Variants in METTL5 observed in about 807,000 individuals in gnomAD.
METTL5 encodes the protein methyltransferase 5, N6-adenosine.
METTL5 carries 28 observed loss-of-function variants against 26.5 expected under a neutral mutation model. The ratio of observed to expected loss-of-function variants is 1.06; its 90% CI spans 0.78 to 1.45. The LOEUF (loss-of-function observed/expected upper bound fraction) is 1.45. METTL5 is among the 40% of genes most tolerant of loss of function. The pLI is 0.00. For missense variants in METTL5, 231 were observed against 249.9 expected, an observed-to-expected ratio of 0.92 and a Z score of 0.51; for synonymous variants, 86 against 82.6, an observed-to-expected ratio of 1.04 and a Z score of -0.22.
At chr2:169,824,358 C>CTA (rs2105725969) in intron 1 of METTL5, 131 bp downstream of exon 1, 2 of 715,450 alleles carry the variant, frequency 2.8e-6, no homozygotes, top group East Asian at 5.1e-5. Flanking sequence ...GAAGGCCTCT[C>CTA]TAACGCGACA....
chr2:169,813,685 T>C (rs1443034656), intron 5 of METTL5, among the ~76,000 whole-genome samples: 1 of 150,922 alleles, frequency 6.6e-6, no homozygotes, highest in Non-Finnish European at 1.5e-5. Context: ...TGAAACCTCA[T>C]CTCTACTAAA....
At position 169,824,831 on chromosome 2, in the gene METTL5, G is replaced by T; in HGVS notation, c.-234C>A. 1 of 427,280 alleles carries T rather than the reference G, an allele frequency of 2.3e-6. No individual in the cohort carries two copies. The highest frequency in any genetic ancestry group is 2.8e-5 in the South Asian group (1 of 35,888). The allele number at this position is 427,280 out of a possible 1,614,324, so 26.5% of individuals were successfully genotyped here. A position where few individuals can be genotyped will look rare whatever the true frequency, so the allele number is the denominator to read the frequency against. On this transcript the variant is annotated 5_prime_UTR_variant, in exon 1 of 7. Coordinates refer to ENST00000260953, the MANE Select transcript of METTL5 (RefSeq NM_014168.4). The stretch of plus-strand genomic sequence containing the variant: ...AGGAGACGGCGGCGGCGCACTGCTG[G>T]AGCAGCCTCAGGATCCCTCGCGCCA...
Position 169,824,496 on chromosome 2 carries a change from G to A in METTL5, c.102C>T (p.His34=), listed in dbSNP as rs762727388. 1.9e-5 allele frequency: 31 copies of A among 1,613,650 alleles called. No individual in the cohort carries two copies. The highest frequency in any genetic ancestry group is 2.5e-5 in the Non-Finnish European group (29 of 1,179,678). The change falls in exon 1 of 7, where the codon CAC becomes CAT. Residue 34 remains histidine, a synonymous_variant. Coordinates refer to ENST00000260953, the MANE Select transcript of METTL5 (RefSeq NM_014168.4). ...GTGAACCAGCCGCCCTACCTGCAAT[G>A]TGCGGCCTGGTAGGATACTGTTCCA... ...LLLEQYPTRP[H]IAACMLYTIH... is the part of the protein sequence containing the mutation.
chr2:169,812,453 TTAC>T lies in METTL5; in HGVS notation c.591+1_591+3del. The T allele has an allele frequency of 6.2e-7, 1 of 1,614,028 alleles. No homozygotes were observed. Among genetic ancestry groups the T allele is most frequent in the Non-Finnish European group, 8.5e-7 (1 of 1,179,962 alleles). ...TGTAGACCAGCCAAAATCAAGAGACTTACTGATTTCTTTTTGTGAAACTTGTAT... is the reference window on the plus strand; with the variant it reads ...TGTAGACCAGCCAAAATCAAGAGACTTGATTTCTTTTTGTGAAACTTGTAT... On this transcript the variant is annotated splice_donor_variant and splice_donor_region_variant and intron_variant, in intron 6 of 6. Coordinates refer to ENST00000260953, the MANE Select transcript of METTL5 (RefSeq NM_014168.4). LOFTEE classifies it high-confidence loss of function.
rs1033288184 is a variant in METTL5, at chr2:169,824,871, T to G, written c.-274A>C. Reference sequence around the variant, plus strand: ...CCCTCGCGCCACGACCACGCACCTCTGGAGGCGACCCGCACCTCGGCCGGT... The same window carrying G: ...CCCTCGCGCCACGACCACGCACCTCGGGAGGCGACCCGCACCTCGGCCGGT... On this transcript the variant is annotated 5_prime_UTR_variant, in exon 1 of 7. Transcript: ENST00000260953. 4.1e-6 allele frequency: 1 copy of G among 242,296 alleles called. No homozygotes were observed. The highest frequency in any genetic ancestry group is 5.6e-5 in the Admixed American group (1 of 17,896). 15.0% of individuals were successfully genotyped at this position (242,296 alleles called of 1,614,324 possible). A position where few individuals can be genotyped will look rare whatever the true frequency, so the allele number is the denominator to read the frequency against.
intron 4 of METTL5, among the ~76,000 whole-genome samples, chr2:169,817,949 A>G (rs1178767814): frequency 1.3e-5 from 2 of 152,202 alleles, no homozygotes. Flanking sequence ...TGTGCAGAAA[A>G]GAGTTCACAG....
intron 6 of METTL5, chr2:169,812,072 T>A: frequency 1.6e-6 from 1 of 640,112 alleles, no homozygotes; most frequent in Non-Finnish European, 2.6e-6. Flanking sequence ...AAACAGTTTT[T>A]GATTTTTTTT....
chr2:169,824,132 C>T (rs796096505), intron 1 of METTL5: 17 of 190,694 alleles, frequency 8.9e-5, no homozygotes, highest in African/African-American at 3.7e-4. Context: ...TAAATGTTTA[C>T]TGAGCTCCTA....
At chr2:169,824,362 C>A in intron 1 of METTL5, 127 bp downstream of exon 1, 2 of 734,354 alleles carry the variant, frequency 2.7e-6, no homozygotes, top group South Asian at 3.3e-5. Context: ...GCCTCTCTAA[C>A]GCGACAGGTG....
intron 6 of METTL5, 49 bp from the exon 7 acceptor site, chr2:169,811,907 T>C (rs1406553150): frequency 2.5e-6 from 4 of 1,578,832 alleles, no homozygotes; most frequent in African/African-American, 1.4e-5. Flanking sequence ...CTTTTTGTTA[T>C]GCAAATGAGA....
rs570923852 is a variant in METTL5 at position 169,814,936 on chromosome 2, G to C, written c.541+541C>G. 2.1e-4 allele frequency among the ~76,000 whole-genome samples: 32 copies of C among 151,584 alleles called. No individual in the cohort carries two copies. The South Asian group carries it at 6.3e-3, about 30-fold the overall frequency. ...GAGACTGAGTCTCCTCTGTCATCCA[G>C]GCTGAAGAACAGTGGTGCGATCTCG... On this transcript the variant is annotated intron_variant, in intron 5 of 6. Transcript: ENST00000260953.
chr2:169,819,743 C>A, intron 3 of METTL5, 100 bp from the exon 4 acceptor site: 1 of 712,136 alleles, frequency 1.4e-6, no homozygotes, highest in South Asian at 2.0e-5. Flanking sequence ...TCAAAATAGC[C>A]ACCTTGAAAT....
intron 1 of METTL5, 142 bp downstream of exon 1, chr2:169,824,347 G>A (rs2081624024): frequency 1.5e-6 from 1 of 662,026 alleles, no homozygotes; most frequent in East Asian, 2.6e-5. Context: ...GCAGTGTCAA[G>A]GAAGGCCTCT....
rs1471698911 is a variant in METTL5 at position 169,824,564 on chromosome 2, G to T, written c.34C>A (p.Arg12Ser). ...TCAAATCCATCCACTTGTTGCAGGC[G>T]ACTCTCTAGTTCCTTAAGCCTTACT... ...KKVRLKELESRLQQVDGFEKP... is the reference protein window; with the variant it reads ...KKVRLKELESSLQQVDGFEKP... The change falls in exon 1 of 7, where the codon CGC becomes AGC. Residue 12 changes from arginine (R) to serine (S), a missense_variant. Physicochemically the swap from Arg to Ser is moderately radical, Grantham distance 110. Coordinates refer to ENST00000260953, the MANE Select transcript of METTL5 (RefSeq NM_014168.4). 3 of 1,614,036 alleles carry T rather than the reference G, an allele frequency of 1.9e-6. No individual in the cohort carries two copies. Among genetic ancestry groups the T allele is most frequent in the Non-Finnish European group, 2.5e-6 (3 of 1,179,990 alleles).
intron 5 of METTL5, among the ~76,000 whole-genome samples, chr2:169,814,411 C>T (rs34596093): frequency 0.29 from 37,839 of 130,680 alleles, 5,933 homozygotes; most frequent in Middle Eastern, 0.39. Flanking sequence ...CGCTTGAACC[C>T]GGGAGGTGGA....
chr2:169,817,979 T>C (rs774103361), intron 4 of METTL5, among the ~76,000 whole-genome samples: 10 of 152,174 alleles, frequency 6.6e-5, no homozygotes, highest in Non-Finnish European at 1.2e-4. Context: ...CTGCTTATCC[T>C]TAGAAAGGCC....
chr2:169,824,612 T>C lies in METTL5; in HGVS notation c.-15A>G, dbSNP rs773897999. On this transcript the variant is annotated 5_prime_UTR_variant, in exon 1 of 7. Coordinates refer to ENST00000260953, the MANE Select transcript of METTL5 (RefSeq NM_014168.4). The stretch of plus-strand genomic sequence containing the variant: ...ACTTTCTTCATTTTGTTTTAAAGTA[T>C]GGACTCGTAGGGTTTGAAGGCACAG... 8.8e-6 allele frequency: 14 copies of C among 1,589,410 alleles called. No homozygotes were observed. The highest frequency in any genetic ancestry group is 4.0e-5 in the African/African-American group (3 of 74,432).
intron 2 of METTL5, among the ~76,000 whole-genome samples, chr2:169,821,664 G>A (rs183806165): frequency 6.6e-6 from 1 of 152,124 alleles, no homozygotes; most frequent in African/African-American, 2.4e-5. Flanking sequence ...GGGATTACAG[G>A]CATGAGCCAC....
rs138608361 is a variant in METTL5 at position 169,819,862 on chromosome 2, A to T, written c.407-219T>A. Among the ~76,000 whole-genome samples the T allele has an allele frequency of 2.6e-5, 4 of 152,332 alleles. No homozygotes were observed. The East Asian group carries it at 7.7e-4, about 29-fold the overall frequency. ...TAAATAAGGATAAAGTAAAAATTTT[A>T]ATATTATATTCCAACATTAATGACT... is the stretch of plus-strand genomic sequence containing the variant. On this transcript the variant is annotated intron_variant, in intron 3 of 6. Coordinates refer to ENST00000260953, the MANE Select transcript of METTL5 (RefSeq NM_014168.4).
Sources: allele counts gnomAD v4.1 joint callset (sites outside exome capture counted in the v4.1 genomes callset), GRCh38; gene constraint gnomAD v4.1.1; transcripts MANE v1.5; gene names NCBI Gene and HGNC (gene_info 2026-07-23, HGNC 2026-07-21).